Variants in NOX4 observed in about 807,000 individuals in gnomAD.
The protein encoded by NOX4 is NADPH oxidase 4, also known as kidney oxidase-1.
NOX4 carries 69 observed loss-of-function variants against 87.6 expected under a neutral mutation model. That is an observed-to-expected ratio of 0.79 (90% CI 0.65 to 0.96). The LOEUF is 0.96. NOX4 is among the 40% of genes least tolerant of loss of function. The pLI, the probability that NOX4 is intolerant of heterozygous loss-of-function variation, is 0.00. For missense variants in NOX4, 680 were observed against 681.5 expected, an observed-to-expected ratio of 1.00 and a Z score of 0.02; for synonymous variants, 275 against 238.2, an observed-to-expected ratio of 1.15 and a Z score of -1.42.
At chr11:89,552,706 C>T in the NOX4 span, among the ~76,000 whole-genome samples, 1 of 152,140 alleles carries the variant, frequency 6.6e-6, no homozygotes, top group African/African-American at 2.4e-5. Context: ...GGATCAAAGT[C>T]TGCAGAATCT....
the NOX4 span, among the ~76,000 whole-genome samples, chr11:89,507,950 CT>C: frequency 6.6e-6 from 1 of 151,976 alleles, no homozygotes; most frequent in Non-Finnish European, 1.5e-5. Flanking sequence ...CAAATACTCT[CT>C]CAGCTAAACA....
chr11:89,567,301 A>G, the NOX4 span, among the ~76,000 whole-genome samples: 7 of 152,102 alleles, frequency 4.6e-5, no homozygotes, highest in Non-Finnish European at 8.8e-5. Flanking sequence ...ACAGGCCCGG[A>G]TGACATGCAC....
the NOX4 span, among the ~76,000 whole-genome samples, chr11:89,587,147 T>C: frequency 1.3e-5 from 2 of 151,810 alleles, no homozygotes; most frequent in Non-Finnish European, 2.9e-5. Flanking sequence ...CCCTATGGGG[T>C]CAGAGAAGAA....
intron 2 of NOX4, among the ~76,000 whole-genome samples, chr11:89,477,660 T>C (rs534235019): frequency 2.0e-5 from 3 of 152,310 alleles, no homozygotes; most frequent in Admixed American, 2.0e-4. Context: ...AAATATCCTG[T>C]ACTTGATATC....
chr11:89,521,497 G>A, the NOX4 span, among the ~76,000 whole-genome samples: 9 of 152,000 alleles, frequency 5.9e-5, no homozygotes, highest in African/African-American at 1.2e-4. Flanking sequence ...GAATGAAACC[G>A]GGTCCCCACA....
chr11:89,421,186 T>C (rs16913221), intron 8 of NOX4, among the ~76,000 whole-genome samples: 3,422 of 152,312 alleles, frequency 0.022, 137 homozygotes, highest in African/African-American at 0.078. Flanking sequence ...GCCAGACTTA[T>C]TATGTCATGC....
At chr11:89,439,523 G>T (rs1944365783) in intron 6 of NOX4, among the ~76,000 whole-genome samples, 1 of 152,076 alleles carries the variant, frequency 6.6e-6, no homozygotes, top group South Asian at 2.1e-4. Flanking sequence ...TCATAAAATT[G>T]ATTCAAAAGA....
At chr11:89,548,858 T>G in the NOX4 span, 1 of 152,218 alleles carries the variant, frequency 6.6e-6, no homozygotes, top group African/African-American at 2.4e-5. Flanking sequence ...GTTTGCTATC[T>G]GGAGACACCA....
the NOX4 span, among the ~76,000 whole-genome samples, chr11:89,506,263 GAGAA>G: frequency 3.4e-3 from 379 of 112,826 alleles, 1 homozygote; most frequent in Non-Finnish European, 5.8e-3. Context: ...AAAAAAGAAA[GAGAA>G]AGAAAGAAAA....
At chr11:89,438,971 T>TA (rs1399354156) in intron 6 of NOX4, among the ~76,000 whole-genome samples, 10 of 97,512 alleles carry the variant, frequency 1.0e-4, no homozygotes, top group South Asian at 2.7e-4. Flanking sequence ...ATATATAATA[T>TA]ATAATTATAT....
intron 2 of NOX4, among the ~76,000 whole-genome samples, chr11:89,485,291 G>A (rs1031442072): frequency 2.6e-5 from 4 of 152,096 alleles, no homozygotes; most frequent in African/African-American, 9.6e-5. Flanking sequence ...AACAATATTT[G>A]TGAATAAAAG....
chr11:89,454,085 A>C (rs1451017376), intron 2 of NOX4, among the ~76,000 whole-genome samples: 1 of 152,134 alleles, frequency 6.6e-6, no homozygotes, highest in Non-Finnish European at 1.5e-5. Context: ...CCTCATATAC[A>C]TTAAGGATTG....
chr11:89,467,409 G>T (rs1447429559), intron 2 of NOX4, among the ~76,000 whole-genome samples: 1 of 146,040 alleles, frequency 6.8e-6, no homozygotes, highest in Non-Finnish European at 1.5e-5. Flanking sequence ...TATTTTATTA[G>T]TGCAGAGCAT....
the NOX4 span, among the ~76,000 whole-genome samples, chr11:89,566,074 G>A: frequency 3.5e-5 from 5 of 143,306 alleles, no homozygotes; most frequent in South Asian, 2.2e-4. Flanking sequence ...ACAGAGTTGC[G>A]CTCTGTCGCC....
chr11:89,382,552 C>T (rs1940369778), intron 11 of NOX4, among the ~76,000 whole-genome samples: 1 of 152,036 alleles, frequency 6.6e-6, no homozygotes, highest in Admixed American at 6.6e-5. Context: ...CCCACCTGTC[C>T]CCTCAGTCCC....
At chr11:89,402,896 AC>A in intron 8 of NOX4, among the ~76,000 whole-genome samples, 2 of 152,316 alleles carry the variant, frequency 1.3e-5, no homozygotes, top group South Asian at 4.1e-4. Context: ...ACTTCAATAA[AC>A]AGTATAATGA....
At chr11:89,414,261 T>A (rs367719749) in intron 8 of NOX4, among the ~76,000 whole-genome samples, 1 of 151,940 alleles carries the variant, frequency 6.6e-6, no homozygotes, top group African/African-American at 2.4e-5. Flanking sequence ...CTTACTTGGG[T>A]TCGTTTATGT....
chr11:89,409,008 C>T (rs1942331395), intron 8 of NOX4, among the ~76,000 whole-genome samples: 1 of 151,978 alleles, frequency 6.6e-6, no homozygotes, highest in Non-Finnish European at 1.5e-5. Flanking sequence ...GGTCATTTCC[C>T]TAAGTTTCCT....
intron 5 of NOX4, among the ~76,000 whole-genome samples, chr11:89,443,106 T>C (rs553829551): frequency 6.6e-6 from 1 of 152,156 alleles, no homozygotes; most frequent in Non-Finnish European, 1.5e-5. Flanking sequence ...TTTTTACAAA[T>C]TATCAATGCC....
Sources: gnomAD v4.1 joint callset for allele counts (sites outside exome capture counted in the v4.1 genomes callset) on GRCh38, gnomAD v4.1.1 for gene constraint, MANE v1.5 for transcripts, NCBI Gene and HGNC (gene_info 2026-07-23, HGNC 2026-07-21) for gene names.